MAF: variants seen among roughly 807,000 people sequenced by gnomAD.
MAF encodes transcription factor Maf.
MAF carries 10 observed loss-of-function variants against 22.0 expected under a neutral mutation model. That is an observed-to-expected ratio of 0.45 (90% CI 0.28 to 0.77). The LOEUF (loss-of-function observed/expected upper bound fraction) is 0.77. Among genes scored for constraint, MAF ranks in the 30% least tolerant of loss-of-function variants. The pLI, the probability that MAF is intolerant of heterozygous loss-of-function variation, is 0.12. For missense variants in MAF, 544 were observed against 548.4 expected (o/e 0.99, Z 0.08); for synonymous variants, 337 against 255.8 (o/e 1.32, Z -3.03).
At chr16:79,263,603 A>G in the MAF span, among the ~76,000 whole-genome samples, 2 of 152,148 alleles carry the variant, frequency 1.3e-5, no homozygotes, top group East Asian at 3.9e-4. Context: ...TCTGTTCCTC[A>G]TGCCAATCTT....
At chr16:79,551,833 G>T in the MAF span, among the ~76,000 whole-genome samples, 2 of 152,136 alleles carry the variant, frequency 1.3e-5, no homozygotes, top group African/African-American at 2.4e-5. Context: ...TGAGTAGCTT[G>T]AGTAGCTGCA....
chr16:79,539,438 A>T, the MAF span, among the ~76,000 whole-genome samples: 2 of 152,198 alleles, frequency 1.3e-5, no homozygotes, highest in Non-Finnish European at 2.9e-5. Context: ...CAGGAGGTGG[A>T]GGTTGCAGTG....
the MAF span, among the ~76,000 whole-genome samples, chr16:79,357,163 G>T: frequency 1.1e-4 from 17 of 152,266 alleles, no homozygotes; most frequent in East Asian, 3.1e-3. Flanking sequence ...GGCTGAGGCA[G>T]GAGAATTGCT....
the MAF span, among the ~76,000 whole-genome samples, chr16:79,314,570 G>T: frequency 6.6e-6 from 1 of 152,146 alleles, no homozygotes; most frequent in Non-Finnish European, 1.5e-5. Context: ...GGGATGGCAG[G>T]TCCCTACATT....
chr16:79,214,703 CTTTTTT>C, the MAF span, among the ~76,000 whole-genome samples: 101 of 43,066 alleles, frequency 2.3e-3, 1 homozygote, highest in African/African-American at 7.7e-3. Context: ...CTGTGCCTGG[CTTTTTT>C]TTTTTTTTTT....
chr16:79,281,816 C>T, the MAF span, among the ~76,000 whole-genome samples: 4 of 151,934 alleles, frequency 2.6e-5, no homozygotes, highest in Non-Finnish European at 4.4e-5. Flanking sequence ...AAGTGCTCAT[C>T]GGAAAATCCA....
chr16:79,469,091 C>T, the MAF span, among the ~76,000 whole-genome samples: 1 of 152,186 alleles, frequency 6.6e-6, no homozygotes. Flanking sequence ...AAGGGCCCAA[C>T]TCATGCGTTC....
the MAF span, among the ~76,000 whole-genome samples, chr16:79,418,534 G>T: frequency 6.6e-6 from 1 of 152,118 alleles, no homozygotes; most frequent in Non-Finnish European, 1.5e-5. Flanking sequence ...GTGGTGAGGG[G>T]GCAAAGGAAA....
At chr16:79,214,192 T>G in the MAF span, among the ~76,000 whole-genome samples, 1 of 152,172 alleles carries the variant, frequency 6.6e-6, no homozygotes, top group Admixed American at 6.6e-5. Flanking sequence ...CTTAATATTA[T>G]TGTACACATT....
the MAF span, among the ~76,000 whole-genome samples, chr16:79,337,876 C>G: frequency 6.6e-6 from 1 of 152,162 alleles, no homozygotes; most frequent in Non-Finnish European, 1.5e-5. Flanking sequence ...CGTGGCTTTT[C>G]CTCAATTTAA....
At chr16:79,587,966 G>T (rs919353303) in intron 1 of MAF, among the ~76,000 whole-genome samples, 1 of 151,994 alleles carries the variant, frequency 6.6e-6, no homozygotes, top group Non-Finnish European at 1.5e-5. Context: ...CCACTTACTG[G>T]GGAAAGATGG....
chr16:79,325,337 G>A, the MAF span, among the ~76,000 whole-genome samples: 2 of 152,134 alleles, frequency 1.3e-5, no homozygotes, highest in African/African-American at 4.8e-5. Context: ...CTTCCAGCTG[G>A]CAGATGCTCT....
chr16:79,243,273 TC>T, the MAF span, among the ~76,000 whole-genome samples: 1 of 151,958 alleles, frequency 6.6e-6, no homozygotes, highest in Non-Finnish European at 1.5e-5. Context: ...GCTGTTTTTT[TC>T]TTTTTTATTT....
chr16:79,539,124 C>A, the MAF span, among the ~76,000 whole-genome samples: 167 of 152,312 alleles, frequency 1.1e-3, 1 homozygote, highest in African/African-American at 3.9e-3. Context: ...AAGGTAGTTA[C>A]AGTGAAACTG....
downstream of MAF, among the ~76,000 whole-genome samples, chr16:79,590,849 T>C (rs1426752013): frequency 6.6e-6 from 1 of 152,128 alleles, no homozygotes; most frequent in Non-Finnish European, 1.5e-5. Context: ...GGGCCTAGTT[T>C]GGGGTTGCCT....
At chr16:79,351,108 C>T in the MAF span, among the ~76,000 whole-genome samples, 1 of 152,164 alleles carries the variant, frequency 6.6e-6, no homozygotes, top group South Asian at 2.1e-4. Context: ...ACTTGAAATG[C>T]TGCTTCACGA....
At chr16:79,507,566 A>G in the MAF span, among the ~76,000 whole-genome samples, 1 of 151,760 alleles carries the variant, frequency 6.6e-6, no homozygotes, top group Non-Finnish European at 1.5e-5. Flanking sequence ...CTGGGACTAC[A>G]GGCGCCCACC....
chr16:79,404,306 G>A, the MAF span, among the ~76,000 whole-genome samples: 1 of 151,870 alleles, frequency 6.6e-6, no homozygotes, highest in Non-Finnish European at 1.5e-5. Flanking sequence ...TGGGACTACA[G>A]GTGCCCACCA....
the MAF span, among the ~76,000 whole-genome samples, chr16:79,455,984 C>G: frequency 4.6e-5 from 7 of 152,054 alleles, no homozygotes; most frequent in African/African-American, 1.7e-4. Context: ...TGCCACTGCA[C>G]TCCAGCCTGG....
Sources: gnomAD v4.1 joint callset for allele counts (sites outside exome capture counted in the v4.1 genomes callset) on GRCh38, gnomAD v4.1.1 for gene constraint, MANE v1.5 for transcripts, NCBI Gene and HGNC (gene_info 2026-07-23, HGNC 2026-07-21) for gene names.